Variants in GPX8 observed in about 807,000 individuals in gnomAD.
GPX8 encodes protein peroxidase GPX8.
GPX8 carries 12 observed loss-of-function variants against 17.8 expected under a neutral mutation model. The observed-to-expected ratio is 0.67, with a 90% CI of 0.43 to 1.09. The LOEUF (loss-of-function observed/expected upper bound fraction) is 1.09. Ranked by LOEUF, GPX8 falls within the 50% of genes least tolerant of loss-of-function variation. The probability of loss-of-function intolerance (pLI) is 0.00; values close to 1 mark genes in which losing one functional copy is unlikely to be tolerated. For synonymous variants in GPX8, 86 were observed against 88.1 expected, an observed-to-expected ratio of 0.98 and a Z score of 0.14; for missense variants, 209 against 235.6, an observed-to-expected ratio of 0.89 and a Z score of 0.74.
rs769962190 is a variant in GPX8, at chr5:55,161,169, G to GA, written c.386dup (p.Asn129LysfsTer13). The GA allele has an allele frequency of 6.2e-7, 1 of 1,614,154 alleles. No homozygotes were observed. Among genetic ancestry groups the GA allele is most frequent in the Non-Finnish European group, 8.5e-7 (1 of 1,180,012 alleles). The stretch of plus-strand genomic sequence containing the variant: ...AGCAAGGAAGTAGAATCTTTTGCAA[G>GA]AAAAAACTACGGAGTAACTTTCCCC... On this transcript the variant is annotated frameshift_variant, in exon 2 of 3. Coordinates refer to ENST00000503787, the MANE Select transcript of GPX8 (RefSeq NM_001008397.4). LOFTEE classifies it high-confidence loss of function.
At position 55,161,191 on chromosome 5, in the gene GPX8, C is replaced by T. The variant is rs1744038168; in HGVS notation, c.402C>T (p.Phe134=). 6.2e-7 allele frequency: 1 copy of T among 1,613,982 alleles called. No individual in the cohort carries two copies. Among genetic ancestry groups the T allele is most frequent in the African/African-American group, 1.3e-5 (1 of 74,926 alleles). ...SFARKNYGVT[F]PIFHKIKILG... ...CAAGAAAAAACTACGGAGTAACTTT[C>T]CCCATCTTCCACAAGATTAAGATTC... Residue 134 remains phenylalanine (F), a synonymous_variant, in exon 2 of 3, where the codon TTC becomes TTT. Coordinates refer to ENST00000503787, the MANE Select transcript of GPX8 (RefSeq NM_001008397.4).
rs756363853 is a variant in GPX8, at chr5:55,161,159, T to A, written c.370T>A (p.Ser124Thr). Residue 124 changes from serine (S) to threonine (T), a missense_variant, in exon 2 of 3, where the codon TCT becomes ACT. Transcript: ENST00000503787. ...GCCCCGCCCAAGCAAGGAAGTAGAA[T>A]CTTTTGCAAGAAAAAACTACGGAGT... ...SEPRPSKEVE[S>T]FARKNYGVTF... is the part of the protein sequence containing the mutation. 58 of 1,614,110 alleles carry A rather than the reference T, an allele frequency of 3.6e-5. No homozygotes were observed. The highest frequency in any genetic ancestry group is 4.7e-5 in the Non-Finnish European group (56 of 1,180,046).
rs770727999 is a variant in GPX8 at position 55,160,186 on chromosome 5, C to G, written c.-7C>G. On this transcript the variant is annotated 5_prime_UTR_variant, in exon 1 of 3. Transcript: ENST00000503787. ...GCTGCTGAGACTTCCCTCTAGAATCCTCCAACATGGAGCCTCTTGCAGCTT... is the reference window on the plus strand; with the variant it reads ...GCTGCTGAGACTTCCCTCTAGAATCGTCCAACATGGAGCCTCTTGCAGCTT... The G allele has an allele frequency of 1.9e-6, 3 of 1,611,936 alleles. No homozygotes were observed. Among genetic ancestry groups the G allele is most frequent in the Non-Finnish European group, 2.5e-6 (3 of 1,178,062 alleles).
rs1464079144 is a variant in GPX8 at position 55,165,414 on chromosome 5, A to T, written c.*1196A>T. 6.6e-6 allele frequency: 1 copy of T among 152,248 alleles called. No homozygotes were observed. The highest frequency in any genetic ancestry group is 1.9e-4 in the East Asian group (1 of 5,208). 9.4% of individuals were successfully genotyped at this position (152,248 alleles called of 1,614,324 possible). A position where few individuals can be genotyped will look rare whatever the true frequency, so the allele number is the denominator to read the frequency against. On this transcript the variant is annotated 3_prime_UTR_variant, in exon 3 of 3. Coordinates refer to ENST00000503787, the MANE Select transcript of GPX8 (RefSeq NM_001008397.4). ...AGGAAGATGGCCAAAAATGTAAAAAAGTCGTATAAATTTGTCTAAGAAGAA... is the reference window on the plus strand; with the variant it reads ...AGGAAGATGGCCAAAAATGTAAAAATGTCGTATAAATTTGTCTAAGAAGAA...
rs757293056 is a variant in GPX8, at chr5:55,165,418, G to T, written c.*1200G>T. 6 of 152,146 alleles carry T rather than the reference G, an allele frequency of 3.9e-5. No individual in the cohort carries two copies. Among genetic ancestry groups the T allele is most frequent in the Admixed American group, 6.6e-5 (1 of 15,260 alleles). The allele number at this position is 152,146 out of a possible 1,614,324, so 9.4% of individuals were successfully genotyped here. A position where few individuals can be genotyped will look rare whatever the true frequency, so the allele number is the denominator to read the frequency against. ...AGATGGCCAAAAATGTAAAAAAGTC[G>T]TATAAATTTGTCTAAGAAGAAAAAG... On this transcript the variant is annotated 3_prime_UTR_variant, in exon 3 of 3. Transcript: ENST00000503787.
Position 55,164,635 on chromosome 5 carries a change from A to G in GPX8, c.*417A>G, listed in dbSNP as rs1744285156. 1 of 152,490 alleles carries G rather than the reference A, an allele frequency of 6.6e-6. No homozygotes were observed. The highest frequency in any genetic ancestry group is 6.5e-5 in the Admixed American group (1 of 15,284). The allele number at this position is 152,490 out of a possible 1,614,324, so 9.4% of individuals were successfully genotyped here. A position where few individuals can be genotyped will look rare whatever the true frequency, so the allele number is the denominator to read the frequency against. On this transcript the variant is annotated 3_prime_UTR_variant, in exon 3 of 3. Coordinates refer to ENST00000503787, the MANE Select transcript of GPX8 (RefSeq NM_001008397.4). Reference sequence around the variant, plus strand: ...GATGAAAATGCCAACACACTAGACCACTCTTTGGATTCAAGAGCACTGTGT... The same window carrying G: ...GATGAAAATGCCAACACACTAGACCGCTCTTTGGATTCAAGAGCACTGTGT...
At position 55,164,255 on chromosome 5, in the gene GPX8, C is replaced by G; in HGVS notation, c.*37C>G. On this transcript the variant is annotated 3_prime_UTR_variant, in exon 3 of 3. Coordinates refer to ENST00000503787, the MANE Select transcript of GPX8 (RefSeq NM_001008397.4). The stretch of plus-strand genomic sequence containing the variant: ...CGTTTCTAATAGAACAGAGAAATGT[C>G]TCCATGAGGGTTTGGTCTCATTTTA... The G allele has an allele frequency of 7.0e-7, 1 of 1,431,756 alleles. No homozygotes were observed. The highest frequency in any genetic ancestry group is 9.3e-7 in the Non-Finnish European group (1 of 1,070,098). The allele number at this position is 1,431,756 out of a possible 1,614,324, so 88.7% of individuals were successfully genotyped here.
rs376118626 is a variant in GPX8 at position 55,164,764 on chromosome 5, A to G, written c.*546A>G. Reference sequence around the variant, plus strand: ...TATACATAGATTCAAATCCTTATATATGTATGCTTGTTTTGTGTACAGGAT... The same window carrying G: ...TATACATAGATTCAAATCCTTATATGTGTATGCTTGTTTTGTGTACAGGAT... On this transcript the variant is annotated 3_prime_UTR_variant, in exon 3 of 3. Coordinates refer to ENST00000503787, the MANE Select transcript of GPX8 (RefSeq NM_001008397.4). The G allele has an allele frequency of 5.1e-4, 77 of 152,316 alleles. No individual in the cohort carries two copies. Among genetic ancestry groups the G allele is most frequent in the African/African-American group, 1.8e-3 (73 of 41,570 alleles). 9.4% of individuals were successfully genotyped at this position (152,316 alleles called of 1,614,324 possible).
Sources: allele counts gnomAD v4.1 joint callset, GRCh38; gene constraint gnomAD v4.1.1; transcripts MANE v1.5; gene names NCBI Gene and HGNC (gene_info 2026-07-23, HGNC 2026-07-21).